Variants in CENPP observed in about 807,000 individuals in gnomAD.
CENPP encodes the protein centromere protein P.
A neutral mutation model predicts 35.6 loss-of-function variants in CENPP; 24 were observed. The ratio of observed to expected loss-of-function variants is 0.67; its 90% CI spans 0.49 to 0.95. The LOEUF is 0.95. Among genes scored for constraint, CENPP ranks in the 40% least tolerant of loss-of-function variants. CENPP has a pLI of 0.00. For missense variants in CENPP, 332 were observed against 345.3 expected, an observed-to-expected ratio of 0.96 and a Z score of 0.31; for synonymous variants, 120 against 125.5, an observed-to-expected ratio of 0.96 and a Z score of 0.29.
chr9:92,371,033 CT>C (rs2130852116), intron 4 of CENPP, among the ~76,000 whole-genome samples: 1 of 152,092 alleles, frequency 6.6e-6, no homozygotes, highest in East Asian at 1.9e-4. Flanking sequence ...TTTTGTTTAT[CT>C]TTTCAAATAA....
intron 5 of CENPP, among the ~76,000 whole-genome samples, chr9:92,483,856 C>G (rs979855194): frequency 6.6e-6 from 1 of 152,130 alleles, no homozygotes; most frequent in Non-Finnish European, 1.5e-5. Context: ...CCAGGCAGCT[C>G]GGTAGTCCCA....
At chr9:92,575,247 A>G (rs778459437) in intron 5 of CENPP, among the ~76,000 whole-genome samples, 2 of 152,222 alleles carry the variant, frequency 1.3e-5, no homozygotes, top group African/African-American at 2.4e-5. Context: ...ACTAACAGAC[A>G]TTATGAACAG....
intron 4 of CENPP, among the ~76,000 whole-genome samples, chr9:92,358,857 T>C (rs916520879): frequency 7.9e-5 from 12 of 152,052 alleles, no homozygotes; most frequent in Admixed American, 6.5e-4. Flanking sequence ...ATGGTAGATC[T>C]ACCATCAGAT....
chr9:92,611,087 A>G, intron 5 of CENPP: 1 of 599,548 alleles, frequency 1.7e-6, no homozygotes, highest in Non-Finnish European at 3.0e-6. Context: ...TACAATGTTC[A>G]TGATGGGGAA....
intron 4 of CENPP, among the ~76,000 whole-genome samples, chr9:92,348,935 G>A (rs1841373342): frequency 6.6e-6 from 1 of 151,828 alleles, no homozygotes; most frequent in Non-Finnish European, 1.5e-5. Context: ...GTATTAGTGT[G>A]TCATGTGTGT....
intron 4 of CENPP, among the ~76,000 whole-genome samples, chr9:92,366,510 A>G (rs1158016885): frequency 6.6e-6 from 1 of 152,194 alleles, no homozygotes; most frequent in Non-Finnish European, 1.5e-5. Flanking sequence ...TTTAGTAAGT[A>G]TATGTGCCCA....
chr9:92,492,264 C>T (rs1049313791), intron 5 of CENPP, among the ~76,000 whole-genome samples: 2 of 152,018 alleles, frequency 1.3e-5, no homozygotes, highest in African/African-American at 2.4e-5. Context: ...ATACTTATGC[C>T]GAGTCTAAAA....
chr9:92,581,516 G>C (rs1850425507), intron 5 of CENPP, among the ~76,000 whole-genome samples: 1 of 152,136 alleles, frequency 6.6e-6, no homozygotes, highest in Non-Finnish European at 1.5e-5. Flanking sequence ...TCCTTCAACA[G>C]CAGCAATGGA....
At chr9:92,611,260 G>A (rs770027834) in intron 5 of CENPP, 54 bp from the exon 6 acceptor site, 1 of 1,441,960 alleles carries the variant, frequency 6.9e-7, no homozygotes, top group Non-Finnish European at 9.8e-7. Context: ...CCCCTCCCAT[G>A]GCCCCTTTCT....
intron 5 of CENPP, among the ~76,000 whole-genome samples, chr9:92,547,776 ATATTT>A (rs1206147332): frequency 3.9e-5 from 6 of 152,230 alleles, no homozygotes; most frequent in Non-Finnish European, 5.9e-5. Context: ...ATGGAATTGT[ATATTT>A]TAAAGTATGC....
At chr9:92,489,756 A>C (rs914815430) in intron 5 of CENPP, among the ~76,000 whole-genome samples, 10 of 152,136 alleles carry the variant, frequency 6.6e-5, no homozygotes, top group African/African-American at 2.4e-4. Flanking sequence ...GGACATGATC[A>C]TACAGTAACA....
At position 92,462,287 on chromosome 9, in the gene CENPP, C is replaced by T. The variant is rs1845143833; in HGVS notation, c.564+82428C>T. ...GCCACTGTGCCTGGCTCTATTCTTT[C>T]AATTAGCAGTAGTTTTTGTGTAAGC... is the stretch of plus-strand genomic sequence containing the variant. On this transcript the variant is annotated intron_variant, in intron 5 of 7. Coordinates refer to ENST00000375587, the MANE Select transcript of CENPP (RefSeq NM_001012267.3). Among the ~76,000 whole-genome samples the T allele has an allele frequency of 3.3e-5, 5 of 152,158 alleles. No individual in the cohort carries two copies. In the South Asian group the frequency reaches 1.0e-3, roughly 32 times the overall value.
intron 5 of CENPP, among the ~76,000 whole-genome samples, chr9:92,551,953 G>GATATATATATATGAT (rs373483608): frequency 9.2e-6 from 1 of 108,136 alleles, no homozygotes; most frequent in Non-Finnish European, 1.8e-5. Context: ...ATATATATAT[G>GATATATATATATGAT]ATATATATAT....
Position 92,614,480 on chromosome 9 carries a change from A to G in CENPP, c.*1331A>G, listed in dbSNP as rs1471307970. The G allele has an allele frequency of 6.6e-6, 1 of 152,634 alleles. No homozygotes were observed. The highest frequency in any genetic ancestry group is 1.5e-5 in the Non-Finnish European group (1 of 68,050). The allele number at this position is 152,634 out of a possible 1,614,324, so 9.5% of individuals were successfully genotyped here. On this transcript the variant is annotated 3_prime_UTR_variant, in exon 8 of 8. Coordinates refer to ENST00000375587, the MANE Select transcript of CENPP (RefSeq NM_001012267.3). The stretch of plus-strand genomic sequence containing the variant: ...GAAAACAGTAAAAGTGTCCAGTTAG[A>G]TAAGTATCTTTTTGCACCTCTGAGA...
At chr9:92,335,033 A>G (rs1840880878) in intron 2 of CENPP, among the ~76,000 whole-genome samples, 1 of 151,908 alleles carries the variant, frequency 6.6e-6, no homozygotes, top group Non-Finnish European at 1.5e-5. Flanking sequence ...CAAAAACACA[A>G]AAATTAGCAG....
At chr9:92,416,142 C>G (rs1185184363) in intron 5 of CENPP, among the ~76,000 whole-genome samples, 1 of 145,992 alleles carries the variant, frequency 6.8e-6, no homozygotes, top group Non-Finnish European at 1.5e-5. Context: ...CTCTGTCATC[C>G]AGGCCAGAAA....
intron 5 of CENPP, among the ~76,000 whole-genome samples, chr9:92,558,180 G>A (rs1413041341): frequency 1.3e-5 from 2 of 152,110 alleles, no homozygotes; most frequent in African/African-American, 4.8e-5. Flanking sequence ...CATTGCTGGT[G>A]AACTAATGTG....
Position 92,611,316 on chromosome 9 carries a change from A to G in CENPP, c.567A>G (p.Glu189=). The G allele has an allele frequency of 1.9e-6, 3 of 1,613,278 alleles. No individual in the cohort carries two copies. Among genetic ancestry groups the G allele is most frequent in the Middle Eastern group, 3.4e-4 (2 of 5,868 alleles). Residue 189 remains glutamate, a splice_region_variant and synonymous_variant, in exon 6 of 8, where the codon GAA becomes GAG. Transcript: ENST00000375587. ...YRKRTFKHLK[E]KYPDAVYLSE... is the part of the protein sequence containing the mutation. ...ACCCGTTTCTTCTCCCCATGCAGGA[A>G]AAGTACCCAGATGCCGTGTACCTCT...
intron 5 of CENPP, among the ~76,000 whole-genome samples, chr9:92,567,397 G>GATATATATATATATATATATAT (rs762810461): frequency 1.4e-4 from 7 of 51,574 alleles, no homozygotes; most frequent in Non-Finnish European, 2.3e-4. Flanking sequence ...TATATATATA[G>GATATATATATATATATATATAT]ATATATATAT....
Sources: allele counts gnomAD v4.1 joint callset (sites outside exome capture counted in the v4.1 genomes callset), GRCh38; gene constraint gnomAD v4.1.1; transcripts MANE v1.5; gene names NCBI Gene and HGNC (gene_info 2026-07-23, HGNC 2026-07-21).